Variants in UTRN observed in about 807,000 individuals in gnomAD.
UTRN encodes the protein dystrophin-related protein 1.
In UTRN, 283 loss-of-function variants were observed where a neutral mutation model predicts 463.9. That is an observed-to-expected ratio of 0.61 (90% confidence interval 0.55 to 0.67). The LOEUF (loss-of-function observed/expected upper bound fraction) is 0.67. UTRN is among the 30% of genes least tolerant of loss of function. The probability of loss-of-function intolerance (pLI) is 0.00; values close to 1 mark genes in which losing one functional copy is unlikely to be tolerated. For missense variants in UTRN, 3,922 were observed against 4,084.3 expected (o/e 0.96, Z 1.08); for synonymous variants, 1,442 against 1,431.5 (o/e 1.01, Z -0.17).
chr6:144,519,762 CTTAA>C (rs1484399537), intron 39 of UTRN, among the ~76,000 whole-genome samples: 1 of 152,156 alleles, frequency 6.6e-6, no homozygotes, highest in Non-Finnish European at 1.5e-5. Context: ...AAGAGGCAGT[CTTAA>C]TGAATGGGAA....
intron 51 of UTRN, among the ~76,000 whole-genome samples, chr6:144,647,687 C>G (rs1562704429): frequency 6.6e-6 from 1 of 152,248 alleles, no homozygotes; most frequent in Non-Finnish European, 1.5e-5. Context: ...GGAATGTCTC[C>G]TATAAGGCCT....
intron 52 of UTRN, among the ~76,000 whole-genome samples, chr6:144,699,379 G>A (rs1187507099): frequency 1.3e-5 from 2 of 150,244 alleles, no homozygotes; most frequent in East Asian, 4.0e-4. Context: ...GGCAGAGGTC[G>A]CAGTGAGCCG....
intron 43 of UTRN, among the ~76,000 whole-genome samples, chr6:144,535,710 C>G (rs1186253512): frequency 6.6e-6 from 1 of 152,194 alleles, no homozygotes; most frequent in Non-Finnish European, 1.5e-5. Context: ...AGAATTATCA[C>G]ACAGTTCAAT....
intron 68 of UTRN, 111 bp from the exon 69 acceptor site, chr6:144,828,679 T>C: frequency 9.3e-7 from 1 of 1,079,782 alleles, no homozygotes; most frequent in South Asian, 1.4e-5. Flanking sequence ...GATTTGGATC[T>C]TTCTATGTTT....
rs746755266 is a variant in UTRN at position 144,516,249 on chromosome 6, A to T, written c.5265A>T (p.Pro1755=). The change falls in exon 38 of 75, where the codon CCA becomes CCT. Residue 1755 remains proline, a synonymous_variant. Coordinates refer to ENST00000367545, the MANE Select transcript of UTRN (RefSeq NM_007124.3). The part of the protein sequence containing the change: ...KSAKLLIAQE[P]LYQCLVTTET... ...TACAGTTGCTAATTGCTCAGGAACC[A>T]TTATACCAATGTTTGGTCACCACTG... 9.3e-6 allele frequency: 15 copies of T among 1,613,406 alleles called. No homozygotes were observed. In the African/African-American group the frequency reaches 1.9e-4, roughly 20 times the overall value.
At chr6:144,650,554 C>T (rs1316126447) in intron 51 of UTRN, among the ~76,000 whole-genome samples, 1 of 152,160 alleles carries the variant, frequency 6.6e-6, no homozygotes, top group Non-Finnish European at 1.5e-5. Context: ...TAGAGCATTG[C>T]TATTTTAGGA....
intron 2 of UTRN, among the ~76,000 whole-genome samples, chr6:144,361,882 C>A (rs1779112098): frequency 6.6e-6 from 1 of 151,238 alleles, no homozygotes; most frequent in African/African-American, 2.4e-5. Context: ...GCTGAGATTA[C>A]AGATGTGAGA....
At chr6:144,706,737 C>T (rs1306482258) in intron 53 of UTRN, 2 of 152,226 alleles carry the variant, frequency 1.3e-5, no homozygotes, top group African/African-American at 4.8e-5. Flanking sequence ...AGATACTCAT[C>T]CCACTGTATA....
At chr6:144,748,642 C>A in intron 55 of UTRN, 128 bp downstream of exon 55, 1 of 1,262,666 alleles carries the variant, frequency 7.9e-7, no homozygotes, top group Non-Finnish European at 1.1e-6. Flanking sequence ...TGCAACCCCA[C>A]CCATCAGGAG....
intron 2 of UTRN, among the ~76,000 whole-genome samples, chr6:144,347,792 T>C (rs577065401): frequency 1.1e-4 from 17 of 150,904 alleles, no homozygotes; most frequent in African/African-American, 4.2e-4. Flanking sequence ...TGAGGCCAGA[T>C]GGGGACACTC....
At chr6:144,293,998 T>A (rs535060530) in intron 2 of UTRN, among the ~76,000 whole-genome samples, 14 of 152,230 alleles carry the variant, frequency 9.2e-5, no homozygotes, top group African/African-American at 3.1e-4. Flanking sequence ...AAATGTTTTT[T>A]AAAAATTTAG....
intron 53 of UTRN, among the ~76,000 whole-genome samples, chr6:144,727,888 G>C (rs930641081): frequency 1.6e-4 from 25 of 152,106 alleles, no homozygotes; most frequent in African/African-American, 6.0e-4. Context: ...TCTGGAGTTT[G>C]AGACCAGCCT....
Position 144,482,234 on chromosome 6 carries a change from A to G in UTRN, c.3533A>G (p.Lys1178Arg). Reference protein sequence around the residue: ...MKRAKEDVLQKEVRVKILKDN... With the variant: ...MKRAKEDVLQREVRVKILKDN... ...AGGGCAAAAGAGGATGTGTTGCAGA[A>G]GGAGGTGAGAGTGAAGATTCTCAAG... The change falls in exon 27 of 75, where the codon AAG (lysine) becomes AGG (arginine). Residue 1178 changes from lysine to arginine, a missense_variant. By Grantham distance (26) the Lys-to-Arg change is conservative. Coordinates refer to ENST00000367545, the MANE Select transcript of UTRN (RefSeq NM_007124.3). The G allele has an allele frequency of 2.0e-6, 3 of 1,514,262 alleles. No individual in the cohort carries two copies. The highest frequency in any genetic ancestry group is 2.7e-6 in the Non-Finnish European group (3 of 1,127,508). 93.8% of individuals were successfully genotyped at this position (1,514,262 alleles called of 1,614,324 possible).
intron 65 of UTRN, among the ~76,000 whole-genome samples, chr6:144,816,580 A>C (rs1345351157): frequency 6.6e-6 from 1 of 152,096 alleles, no homozygotes; most frequent in Non-Finnish European, 1.5e-5. Context: ...TGGATGGTCA[A>C]ATAGCTGGCA....
In UTRN at chr6:144,836,420, T is replaced by C. The variant is rs528268706; in HGVS notation, c.9944T>C (p.Ile3315Thr). 1.1e-5 allele frequency: 17 copies of C among 1,613,474 alleles called. No homozygotes were observed. The highest frequency in any genetic ancestry group is 3.3e-5 in the Admixed American group (2 of 59,984). ...PHHTSEDSELIAEAKLLRQHK... is the reference protein window; with the variant it reads ...PHHTSEDSELTAEAKLLRQHK... ...CACACGTCTGAGGATTCAGAACTTA[T>C]AGCAGAAGCAAAACTCCTCAGGCAG... The change falls in exon 71 of 75, where the codon ATA (isoleucine) becomes ACA (threonine). Residue 3315 changes from isoleucine (I) to threonine (T), a missense_variant. Physicochemically the swap from Ile to Thr is moderately conservative, Grantham distance 89 (BLOSUM62 -1). Around this residue, in one of 3 missense-constraint regions of UTRN, gnomAD observed 1,309 missense variants for 1,452.6 expected, o/e 0.90. Coordinates refer to ENST00000367545, the MANE Select transcript of UTRN (RefSeq NM_007124.3).
chr6:144,694,142 A>G lies in UTRN; in HGVS notation c.7653-5945A>G, dbSNP rs9497048. Reference sequence around the variant, plus strand: ...GAAAGCCTTTTCTGCATGTATTGAGATAATCATGTGGTTTTTGTCTTGTTC... The same window carrying G: ...GAAAGCCTTTTCTGCATGTATTGAGGTAATCATGTGGTTTTTGTCTTGTTC... On this transcript the variant is annotated intron_variant, in intron 52 of 74. Transcript: ENST00000367545. Among the ~76,000 whole-genome samples, 1,400 of 151,984 alleles carry G rather than the reference A, an allele frequency of 9.2e-3. 18 individuals are homozygous for G. The highest frequency in any genetic ancestry group is 0.032 in the African/African-American group (1,340 of 41,508).
chr6:144,441,900 A>G (rs1257913796), intron 13 of UTRN, among the ~76,000 whole-genome samples: 1 of 152,178 alleles, frequency 6.6e-6, no homozygotes, highest in African/African-American at 2.4e-5. Context: ...CACCTTTGCC[A>G]TGGCCTGAGC....
chr6:144,421,791 A>G lies in UTRN; in HGVS notation c.142-87A>G. The G allele has an allele frequency of 3.2e-6, 3 of 941,580 alleles. No homozygotes were observed. In the Admixed American group the frequency reaches 1.0e-4, roughly 31 times the overall value. 58.3% of individuals were successfully genotyped at this position (941,580 alleles called of 1,614,324 possible). A position where few individuals can be genotyped will look rare whatever the true frequency, so the allele number is the denominator to read the frequency against. On this transcript the variant is annotated intron_variant, in intron 3 of 74. Transcript: ENST00000367545. ...CCACAACATTTTAATTGAGCAAAAA[A>G]TGAAGCCACTCATTTATTTGCCCAG...
intron 51 of UTRN, among the ~76,000 whole-genome samples, chr6:144,621,697 A>T (rs1775396156): frequency 6.6e-6 from 1 of 152,184 alleles, no homozygotes; most frequent in South Asian, 2.1e-4. Context: ...TTCACAAGTC[A>T]GACTCTCCTT....
Sources: gnomAD v4.1 joint callset for allele counts (sites outside exome capture counted in the v4.1 genomes callset) on GRCh38, gnomAD v4.1.1 for gene constraint, gnomAD v4.1.1 regional missense constraint, MANE v1.5 for transcripts, NCBI Gene and HGNC (gene_info 2026-07-23, HGNC 2026-07-21) for gene names.